MRPL58: variants seen among roughly 807,000 people sequenced by gnomAD.
The protein encoded by MRPL58 is mitochondrial ribosomal protein L58, also known as large ribosomal subunit protein mL62.
A neutral mutation model predicts 26.0 loss-of-function variants in MRPL58; 17 were observed. The ratio of observed to expected loss-of-function variants is 0.65; its 90% CI spans 0.45 to 0.98. MRPL58 has a LOEUF of 0.98. Among genes scored for constraint, MRPL58 ranks in the 50% least tolerant of loss-of-function variants. The pLI, the probability that MRPL58 is intolerant of heterozygous loss-of-function variation, is 0.00. For missense variants in MRPL58, 250 were observed against 269.0 expected (o/e 0.93, Z 0.49); for synonymous variants, 100 against 99.7 (o/e 1.00, Z -0.02).
chr17:75,021,167 AG>A lies in MRPL58; in HGVS notation c.*164del. On this transcript the variant is annotated 3_prime_UTR_variant, in exon 6 of 6. Transcript: ENST00000301585. ...AATGTTCATTTGGAATGAAGGCTGC[AG>A]GCACTGGTTGCAGACGTCTTTATAG... 1.6e-6 allele frequency: 1 copy of A among 613,310 alleles called. No individual in the cohort carries two copies. The highest frequency in any genetic ancestry group is 2.1e-5 in the South Asian group (1 of 48,694). The allele number at this position is 613,310 out of a possible 1,614,324, so 38.0% of individuals were successfully genotyped here.
chr17:75,021,261 A>C lies in MRPL58; in HGVS notation c.*256A>C. ...TTAGTCACAATAAAAATCAGAACTC[A>C]TTAGGCTTCCCTTCTCATTCAGAAT... On this transcript the variant is annotated 3_prime_UTR_variant, in exon 6 of 6. Coordinates refer to ENST00000301585, the MANE Select transcript of MRPL58 (RefSeq NM_001545.3). The C allele has an allele frequency of 1.3e-5, 6 of 472,666 alleles. No individual in the cohort carries two copies. Among genetic ancestry groups the C allele is most frequent in the Non-Finnish European group, 1.1e-5 (3 of 262,720 alleles). The allele number at this position is 472,666 out of a possible 1,614,324, so 29.3% of individuals were successfully genotyped here.
Position 75,012,680 on chromosome 17 carries a change from C to A in MRPL58, c.-7C>A. On this transcript the variant is annotated 5_prime_UTR_variant, in exon 1 of 6. Transcript: ENST00000301585. The stretch of plus-strand genomic sequence containing the variant: ...GCGCCCGCCGGAAGCAGTCGCAAGA[C>A]CTGAGCATGGCGGCCACCAGGTGCC... The A allele has an allele frequency of 6.5e-7, 1 of 1,541,670 alleles. No individual in the cohort carries two copies. Among genetic ancestry groups the A allele is most frequent in the Non-Finnish European group, 8.7e-7 (1 of 1,147,822 alleles).
Position 75,021,252 on chromosome 17 carries a change from T to C in MRPL58, c.*247T>C. 1 of 490,522 alleles carries C rather than the reference T, an allele frequency of 2.0e-6. No homozygotes were observed. The highest frequency in any genetic ancestry group is 3.7e-6 in the Non-Finnish European group (1 of 272,374). 30.4% of individuals were successfully genotyped at this position (490,522 alleles called of 1,614,324 possible). ...CCTCATGTATTAGTCACAATAAAAA[T>C]CAGAACTCATTAGGCTTCCCTTCTC... On this transcript the variant is annotated 3_prime_UTR_variant, in exon 6 of 6. Transcript: ENST00000301585.
At chr17:75,019,349 T>C (rs1275548388) in intron 2 of MRPL58, among the ~76,000 whole-genome samples, 1 of 152,146 alleles carries the variant, frequency 6.6e-6, no homozygotes. Flanking sequence ...ATGAAGACTT[T>C]GGTCAGCTGC....
chr17:75,019,149 C>T (rs1480275361), intron 2 of MRPL58, among the ~76,000 whole-genome samples: 2 of 150,528 alleles, frequency 1.3e-5, no homozygotes, highest in Non-Finnish European at 2.9e-5. Context: ...AAAAATGAAG[C>T]TGTGCCCTAA....
chr17:75,017,915 CTCTG>C, intron 2 of MRPL58, among the ~76,000 whole-genome samples: 1 of 138,718 alleles, frequency 7.2e-6, no homozygotes, highest in Non-Finnish European at 1.5e-5. Context: ...CACAGCGAGA[CTCTG>C]TCTCAGACGA....
At chr17:75,019,564 C>A in intron 2 of MRPL58, 136 bp from the exon 3 acceptor site, 1 of 771,318 alleles carries the variant, frequency 1.3e-6, no homozygotes. Context: ...GCCACAGTTC[C>A]TTGCCACCCA....
At chr17:75,016,402 C>T (rs988108065) in intron 1 of MRPL58, among the ~76,000 whole-genome samples, 10 of 151,642 alleles carry the variant, frequency 6.6e-5, no homozygotes, top group African/African-American at 2.2e-4. Context: ...GGCTACAGAG[C>T]GAGACTCCAT....
chr17:75,017,639 T>C (rs1485169868), intron 2 of MRPL58, among the ~76,000 whole-genome samples: 2 of 152,038 alleles, frequency 1.3e-5, no homozygotes, highest in Admixed American at 6.6e-5. Flanking sequence ...TCCCAGCTAC[T>C]TGGGAGGCTG....
Position 75,019,737 on chromosome 17 carries a change from T to G in MRPL58, c.261T>G (p.Pro87=). 2 of 1,608,828 alleles carry G rather than the reference T, an allele frequency of 1.2e-6. No homozygotes were observed. Among genetic ancestry groups the G allele is most frequent in the Non-Finnish European group, 1.7e-6 (2 of 1,176,122 alleles). The change falls in exon 3 of 6, where the codon CCT becomes CCG. Residue 87 remains proline (P), a synonymous_variant. Transcript: ENST00000301585. ...TATCTTATTGTCGGAGTAGTGGTCCTGGGGGGCAGAATGTGAACAAAGGTA... is the reference window on the plus strand; with the variant it reads ...TATCTTATTGTCGGAGTAGTGGTCCGGGGGGGCAGAATGTGAACAAAGGTA... ...LTISYCRSSG[P]GGQNVNKVNS... is the part of the protein sequence containing the mutation.
At position 75,020,364 on chromosome 17, in the gene MRPL58, C is replaced by T. The variant is rs902063041; in HGVS notation, c.335C>T (p.Ala112Val). The change falls in exon 4 of 6, where the codon GCG becomes GTG. Residue 112 changes from alanine to valine, a missense_variant. Physicochemically the swap from Ala to Val is moderately conservative, Grantham distance 64 (BLOSUM62 0). Coordinates refer to ENST00000301585, the MANE Select transcript of MRPL58 (RefSeq NM_001545.3). ...CATTTGGCAACTGCCGAGTGGATCG[C>T]GGAGCCCGTGCGGCAGAAGATAGCC... Reference protein sequence around the residue: ...RFHLATAEWIAEPVRQKIAIT... With the variant: ...RFHLATAEWIVEPVRQKIAIT... 6.2e-6 allele frequency: 10 copies of T among 1,614,100 alleles called. No homozygotes were observed. Among genetic ancestry groups the T allele is most frequent in the Admixed American group, 5.0e-5 (3 of 60,008 alleles).
At chr17:75,018,753 T>C (rs2039993586) in intron 2 of MRPL58, 1 of 152,042 alleles carries the variant, frequency 6.6e-6, no homozygotes, top group Non-Finnish European at 1.5e-5. Flanking sequence ...AAGCAAGGCC[T>C]AACAGTTACA....
intron 1 of MRPL58, 110 bp downstream of exon 1, chr17:75,012,982 T>C: frequency 4.9e-6 from 5 of 1,012,050 alleles, no homozygotes; most frequent in Non-Finnish European, 7.2e-6. Flanking sequence ...GGCTACGTGA[T>C]GGTCGCCGCG....
intron 1 of MRPL58, among the ~76,000 whole-genome samples, chr17:75,014,014 G>A (rs1008080552): frequency 3.3e-5 from 5 of 152,184 alleles, no homozygotes; most frequent in African/African-American, 4.8e-5. Context: ...AGGGAGACAA[G>A]TAAGGAGATT....
In MRPL58 at chr17:75,014,441, CTTTTT is replaced by C. The variant is rs35929744; in HGVS notation, c.186+1585_186+1589del. Among the ~76,000 whole-genome samples the C allele has an allele frequency of 1.8e-3, 138 of 76,228 alleles. 2 individuals carry two copies. Among genetic ancestry groups the C allele is most frequent in the African/African-American group, 7.3e-3 (125 of 17,108 alleles). 50.0% of individuals were successfully genotyped at this position (76,228 alleles called of 152,430 possible). On this transcript the variant is annotated intron_variant, in intron 1 of 5. Transcript: ENST00000301585. ...CACGGGCGTGAGCCACCGCGCCAGG[CTTTTT>C]TTTTTTTTTTTTTTTGAGACAGGGT...
Position 75,016,804 on chromosome 17 carries a change from G to T in MRPL58, c.187-274G>T, listed in dbSNP as rs574103618. 2.0e-5 allele frequency among the ~76,000 whole-genome samples: 3 copies of T among 152,364 alleles called. No individual in the cohort carries two copies. The South Asian group carries it at 6.2e-4, about 32-fold the overall frequency. ...CACTGTGGCTCCCCCTCCCGCTGGA[G>T]CCAGGCCTCTGATGGTGCCTGACAC... On this transcript the variant is annotated intron_variant, in intron 1 of 5. Coordinates refer to ENST00000301585, the MANE Select transcript of MRPL58 (RefSeq NM_001545.3).
At chr17:75,017,374 A>G (rs2039982059) in intron 2 of MRPL58, among the ~76,000 whole-genome samples, 3 of 152,204 alleles carry the variant, frequency 2.0e-5, no homozygotes, top group Admixed American at 1.3e-4. Flanking sequence ...ACAATATGGG[A>G]GGCCAAGGTG....
At chr17:75,019,663 A>G in intron 2 of MRPL58, 37 bp from the exon 3 acceptor site, 1 of 1,581,298 alleles carries the variant, frequency 6.3e-7, no homozygotes, top group South Asian at 1.1e-5. Context: ...GCCATGAGGT[A>G]ATCAGTTTTG....
At position 75,012,856 on chromosome 17, in the gene MRPL58, C is replaced by T. The variant is rs1055301281; in HGVS notation, c.170C>T (p.Thr57Ile). The change falls in exon 1 of 6, where the codon ACC becomes ATC. Residue 57 changes from threonine to isoleucine, a missense_variant. Thr to Ile is a moderately conservative substitution (Grantham distance 89). Transcript: ENST00000301585. The part of the protein sequence containing the change: ...KLYPESQGSD[T>I]AWRVPNGAKQ... ...TACCCCGAATCTCAGGGCTCGGACA[C>T]CGCCTGGAGGGTCCCGGTGAGCCGG... 1.2e-6 allele frequency: 2 copies of T among 1,609,208 alleles called. No individual in the cohort carries two copies. Among genetic ancestry groups the T allele is most frequent in the African/African-American group, 2.7e-5 (2 of 74,302 alleles).
Sources: gnomAD v4.1 joint callset for allele counts (sites outside exome capture counted in the v4.1 genomes callset) on GRCh38, gnomAD v4.1.1 for gene constraint, MANE v1.5 for transcripts, NCBI Gene and HGNC (gene_info 2026-07-23, HGNC 2026-07-21) for gene names.